Variants in TMPRSS11D observed in about 807,000 individuals in gnomAD.
TMPRSS11D encodes transmembrane protease serine 11D.
A neutral mutation model predicts 44.4 loss-of-function variants in TMPRSS11D; 32 were observed. The observed-to-expected ratio is 0.72, with a 90% CI of 0.54 to 0.97. The LOEUF (loss-of-function observed/expected upper bound fraction) is 0.97, where lower values mean the gene tolerates loss of function less well. Among genes scored for constraint, TMPRSS11D ranks in the 50% least tolerant of loss-of-function variants. The probability of loss-of-function intolerance (pLI) is 0.00; values close to 1 mark genes in which losing one functional copy is unlikely to be tolerated. For synonymous variants in TMPRSS11D, 179 were observed against 177.9 expected (o/e 1.01, Z -0.05); for missense variants, 446 against 502.6 (o/e 0.89, Z 1.08).
At chr4:67,862,853 A>G (rs191041892) in intron 1 of TMPRSS11D, among the ~76,000 whole-genome samples, 1 of 152,050 alleles carries the variant, frequency 6.6e-6, no homozygotes, top group African/African-American at 2.4e-5. Context: ...TGGGAATTGA[A>G]CAATGAGAAC....
Position 67,826,607 on chromosome 4 carries a change from T to C in TMPRSS11D, c.952+654A>G, listed in dbSNP as rs1016225446. ...GTTTTTGCCATATCCCAGAATACTTTAAAGGGCAGTTAATACCTTAAGGAT... is the reference window on the plus strand; with the variant it reads ...GTTTTTGCCATATCCCAGAATACTTCAAAGGGCAGTTAATACCTTAAGGAT... On this transcript the variant is annotated intron_variant, in intron 8 of 9. Transcript: ENST00000283916. Among the ~76,000 whole-genome samples the C allele has an allele frequency of 2.6e-5, 4 of 152,210 alleles. No individual in the cohort carries two copies. The East Asian group carries it at 7.7e-4, about 29-fold the overall frequency.
chr4:67,875,325 T>G (rs1262878871), intron 1 of TMPRSS11D, among the ~76,000 whole-genome samples: 1 of 152,196 alleles, frequency 6.6e-6, no homozygotes, highest in Admixed American at 6.5e-5. Context: ...GGCAAATCCC[T>G]TCTTTGGATT....
chr4:67,829,343 T>G lies in TMPRSS11D; in HGVS notation c.693-1823A>C, dbSNP rs192330263. Among the ~76,000 whole-genome samples the G allele has an allele frequency of 2.2e-3, 341 of 152,020 alleles. 1 individual carries two copies. The highest frequency in any genetic ancestry group is 3.3e-3 in the Non-Finnish European group (224 of 67,904). Reference sequence around the variant, plus strand: ...TTTATTTTATCTTTTAATTTTATTTTCCATAAACTTATCGAACTCCCCTCA... The same window carrying G: ...TTTATTTTATCTTTTAATTTTATTTGCCATAAACTTATCGAACTCCCCTCA... On this transcript the variant is annotated intron_variant, in intron 7 of 9. Transcript: ENST00000283916.
In TMPRSS11D at chr4:67,833,246, A is replaced by G; in HGVS notation, c.650T>C (p.Ile217Thr). 1 of 1,569,142 alleles carries G rather than the reference A, an allele frequency of 6.4e-7. No individual in the cohort carries two copies. The highest frequency in any genetic ancestry group is 8.6e-7 in the Non-Finnish European group (1 of 1,159,472). The change falls in exon 7 of 10, where the codon ATC becomes ACC. Residue 217 changes from isoleucine to threonine, a missense_variant. Ile to Thr is a moderately conservative substitution (Grantham distance 89). Transcript: ENST00000283916. ...TGCTGTCAGGATCCACATGTTATTGATCAGGCTGCCTCCACAGTGGTGGGC... is the reference window on the plus strand; with the variant it reads ...TGCTGTCAGGATCCACATGTTATTGGTCAGGCTGCCTCCACAGTGGTGGGC... ...NNAHHCGGSL[I>T]NNMWILTAAH...
intron 3 of TMPRSS11D, among the ~76,000 whole-genome samples, chr4:67,850,524 T>C (rs1319120535): frequency 1.3e-5 from 2 of 152,078 alleles, no homozygotes; most frequent in Non-Finnish European, 2.9e-5. Context: ...CCAAGGGATG[T>C]TAAGGCTCCT....
intron 7 of TMPRSS11D, among the ~76,000 whole-genome samples, chr4:67,831,777 G>T (rs1468094080): frequency 1.3e-5 from 2 of 151,958 alleles, no homozygotes; most frequent in African/African-American, 4.8e-5. Flanking sequence ...ATCTACATCA[G>T]AAAACTGATA....
rs1560546020 is a variant in TMPRSS11D, at chr4:67,859,660, C to CGAA, written c.24_26dup (p.Ser9dup). ...CATATGGATTCAGAAATCTTGAAGT[C>CGAA]GAAGTTACACGTGCTGGCCTTACAA... On this transcript the variant is annotated inframe_insertion, in exon 2 of 10. Coordinates refer to ENST00000283916, the MANE Select transcript of TMPRSS11D (RefSeq NM_004262.3). 1 of 1,612,772 alleles carries CGAA rather than the reference C, an allele frequency of 6.2e-7. No individual in the cohort carries two copies. Among genetic ancestry groups the CGAA allele is most frequent in the East Asian group, 2.2e-5 (1 of 44,838 alleles).
At chr4:67,880,465 C>A (rs934115802) in intron 1 of TMPRSS11D, among the ~76,000 whole-genome samples, 3 of 151,592 alleles carry the variant, frequency 2.0e-5, no homozygotes, top group African/African-American at 7.3e-5. Context: ...GATAGTATGG[C>A]GTGTCTTTAT....
At chr4:67,855,091 C>A (rs1002558653) in intron 2 of TMPRSS11D, among the ~76,000 whole-genome samples, 1 of 151,978 alleles carries the variant, frequency 6.6e-6, no homozygotes, top group African/African-American at 2.4e-5. Context: ...CCTGTCTCTA[C>A]TAAATATACA....
Position 67,825,798 on chromosome 4 carries a change from A to T in TMPRSS11D, c.1029T>A (p.Tyr343Ter), listed in dbSNP as rs145154073. 663 of 1,613,134 alleles carry T rather than the reference A, an allele frequency of 4.1e-4. 2 individuals carry two copies. The highest frequency in any genetic ancestry group is 5.4e-4 in the Non-Finnish European group (641 of 1,179,502). Residue 343 changes from tyrosine to a stop codon, truncating the protein, a stop_gained, in exon 9 of 10, where the codon TAT becomes TAA. Coordinates refer to ENST00000283916, the MANE Select transcript of TMPRSS11D (RefSeq NM_004262.3). LOFTEE classifies it high-confidence loss of function. ...GCATTCCAGACAAGATGGCTCCATT[A>T]TAACTATGTGGTGCATTACATACAT... ...SNDVCNAPHS[Y>*]NGAILSGMLC...
chr4:67,879,722 G>A (rs1431793321), intron 1 of TMPRSS11D, among the ~76,000 whole-genome samples: 1 of 152,152 alleles, frequency 6.6e-6, no homozygotes, highest in East Asian at 1.9e-4. Flanking sequence ...TTTCAGAGCT[G>A]TGAAGATCAG....
intron 9 of TMPRSS11D, among the ~76,000 whole-genome samples, chr4:67,824,335 C>G (rs541138671): frequency 2.7e-4 from 41 of 151,906 alleles, no homozygotes; most frequent in Non-Finnish European, 5.3e-4. Context: ...GAATAACACC[C>G]TTTTAAAACT....
intron 8 of TMPRSS11D, 115 bp from the exon 9 acceptor site, chr4:67,825,989 G>A: frequency 8.0e-7 from 1 of 1,248,730 alleles, no homozygotes; most frequent in Non-Finnish European, 1.1e-6. Flanking sequence ...ATTTAACAAT[G>A]AAGGCTTCTA....
chr4:67,841,878 G>C (rs183318815), intron 4 of TMPRSS11D, among the ~76,000 whole-genome samples: 1 of 152,286 alleles, frequency 6.6e-6, no homozygotes, highest in Admixed American at 6.5e-5. Flanking sequence ...ATTTGAGAAA[G>C]AATTAGTATA....
intron 3 of TMPRSS11D, among the ~76,000 whole-genome samples, chr4:67,842,953 G>A (rs1718266488): frequency 6.6e-6 from 1 of 152,158 alleles, no homozygotes; most frequent in African/African-American, 2.4e-5. Flanking sequence ...CTTGGGGCAG[G>A]AATCATGCCA....
intron 3 of TMPRSS11D, among the ~76,000 whole-genome samples, chr4:67,845,955 T>G (rs1718345999): frequency 6.6e-6 from 1 of 152,170 alleles, no homozygotes; most frequent in African/African-American, 2.4e-5. Flanking sequence ...AGAAAGGTCT[T>G]ATTAGTTGCC....
chr4:67,838,145 A>C (rs1718143028), intron 5 of TMPRSS11D, 27 bp downstream of exon 5: 1 of 1,474,086 alleles, frequency 6.8e-7, no homozygotes, highest in Admixed American at 2.5e-5. Context: ...TATTGAAATA[A>C]AATTGTTTAT....
intron 3 of TMPRSS11D, among the ~76,000 whole-genome samples, chr4:67,852,504 T>C (rs945161388): frequency 6.6e-6 from 1 of 152,210 alleles, no homozygotes; most frequent in African/African-American, 2.4e-5. Context: ...TGAGCTAATG[T>C]TCAGTGAGAA....
intron 1 of TMPRSS11D, among the ~76,000 whole-genome samples, chr4:67,871,741 G>C (rs1251407615): frequency 6.6e-6 from 1 of 152,144 alleles, no homozygotes; most frequent in African/African-American, 2.4e-5. Flanking sequence ...AGATTATGAG[G>C]CCTTTTGTGT....
Sources: allele counts gnomAD v4.1 joint callset (sites outside exome capture counted in the v4.1 genomes callset), GRCh38; gene constraint gnomAD v4.1.1; transcripts MANE v1.5; gene names NCBI Gene and HGNC (gene_info 2026-07-23, HGNC 2026-07-21).